CUX1: variants seen among roughly 807,000 people sequenced by gnomAD.
CUX1 encodes the protein protein CASP.
Under a neutral mutation model 158.8 loss-of-function variants are expected in CUX1, and 31 were observed. The ratio of observed to expected loss-of-function variants is 0.20; its 90% confidence interval spans 0.15 to 0.26. CUX1 has a LOEUF of 0.26. CUX1 is among the 10% of genes least tolerant of loss of function. The pLI is 1.00. For missense variants in CUX1, 1,589 were observed against 2,014.6 expected (o/e 0.79, Z 4.04); for synonymous variants, 879 against 862.1 (o/e 1.02, Z -0.34).
At chr7:102,000,700 G>A (rs1394560452) in intron 2 of CUX1, among the ~76,000 whole-genome samples, 3 of 152,198 alleles carry the variant, frequency 2.0e-5, no homozygotes, top group African/African-American at 4.8e-5. Context: ...GGTTCATTTG[G>A]TTGGGTTTTA....
chr7:101,972,577 C>G (rs920844900), intron 2 of CUX1, among the ~76,000 whole-genome samples: 1 of 152,216 alleles, frequency 6.6e-6, no homozygotes, highest in African/African-American at 2.4e-5. Context: ...CACATCTGCC[C>G]TTTGCTCCTC....
At chr7:102,202,701 A>G (rs1276122474) in intron 18 of CUX1, among the ~76,000 whole-genome samples, 1 of 152,182 alleles carries the variant, frequency 6.6e-6, no homozygotes, top group African/African-American at 2.4e-5. Flanking sequence ...TGCAGAGAGC[A>G]TTATTGTTCC....
intron 2 of CUX1, among the ~76,000 whole-genome samples, chr7:101,938,980 G>A (rs894876552): frequency 1.3e-4 from 19 of 147,486 alleles, no homozygotes; most frequent in African/African-American, 4.0e-4. Flanking sequence ...GATGGAGGTT[G>A]CAGTGAGCCA....
At chr7:102,092,066 C>A (rs1401575933) in intron 4 of CUX1, among the ~76,000 whole-genome samples, 2 of 152,256 alleles carry the variant, frequency 1.3e-5, no homozygotes, top group African/African-American at 4.8e-5. Context: ...CTGGCCACTT[C>A]TTGACAGGAA....
intron 1 of CUX1, among the ~76,000 whole-genome samples, chr7:101,896,547 A>G (rs759609592): frequency 6.6e-6 from 1 of 152,170 alleles, no homozygotes; most frequent in Non-Finnish European, 1.5e-5. Flanking sequence ...GTCAGCTCCA[A>G]CTAGACTCTG....
chr7:102,200,895 C>T (rs1795345006), intron 17 of CUX1, among the ~76,000 whole-genome samples: 2 of 151,672 alleles, frequency 1.3e-5, no homozygotes, highest in Admixed American at 6.6e-5. Context: ...TGGTGGCATG[C>T]ACCTGTGGTC....
chr7:102,153,831 A>G (rs1285213186), intron 8 of CUX1: 1 of 152,312 alleles, frequency 6.6e-6, no homozygotes, highest in East Asian at 1.9e-4. Context: ...CCAGACCCCA[A>G]CAGTGGGTGT....
chr7:101,846,565 C>T lies in CUX1; in HGVS notation c.30+28896C>T, dbSNP rs540944397. 7.2e-5 allele frequency among the ~76,000 whole-genome samples: 11 copies of T among 152,210 alleles called. No homozygotes were observed. In the East Asian group the frequency reaches 1.4e-3, roughly 19 times the overall value. ...CTGGTCTTGAACTCTTTGGCCTCAG[C>T]GATTCTCCCACCTCAGCTTCCCAAA... On this transcript the variant is annotated intron_variant, in intron 1 of 23. Transcript: ENST00000292535.
intron 8 of CUX1, among the ~76,000 whole-genome samples, chr7:102,126,405 G>A (rs148368135): frequency 6.1e-4 from 93 of 152,220 alleles, no homozygotes; most frequent in African/African-American, 2.1e-3. Context: ...AATTCTCAAA[G>A]ATTTTTTTTA....
chr7:101,816,663 C>A (rs963848599), upstream of CUX1, among the ~76,000 whole-genome samples: 2 of 144,394 alleles, frequency 1.4e-5, no homozygotes, highest in African/African-American at 5.0e-5. Flanking sequence ...GCCTGCCTCT[C>A]CAGGAGGAGC....
chr7:102,039,953 C>A (rs1442545087), intron 3 of CUX1, among the ~76,000 whole-genome samples: 1 of 152,020 alleles, frequency 6.6e-6, no homozygotes, highest in East Asian at 1.9e-4. Context: ...CTGAATGTCT[C>A]CCTTACATGC....
At position 102,255,205 on chromosome 7, in the gene CUX1, C is replaced by T. The variant is rs1480868926; in HGVS notation, c.*6163C>T. The T allele has an allele frequency of 3.0e-6, 3 of 985,334 alleles. No individual in the cohort carries two copies. The highest frequency in any genetic ancestry group is 6.2e-5 in the Admixed American group (1 of 16,246). The allele number at this position is 985,334 out of a possible 1,614,324, so 61.0% of individuals were successfully genotyped here. A position where few individuals can be genotyped will look rare whatever the true frequency, so the allele number is the denominator to read the frequency against. ...ACTTCCAAAAACTGCCTCCTCCTGC[C>T]CAGGCCTCTCCCACCACCACCTTCC... On this transcript the variant is annotated 3_prime_UTR_variant, in exon 24 of 24. Transcript: ENST00000292535.
intron 12 of CUX1, among the ~76,000 whole-genome samples, chr7:102,191,220 T>C (rs1160598594): frequency 6.6e-6 from 1 of 152,052 alleles, no homozygotes; most frequent in African/African-American, 2.4e-5. Flanking sequence ...CTCTGTAACT[T>C]ACTTACTTGC....
At chr7:101,935,548 G>A (rs979833043) in intron 2 of CUX1, among the ~76,000 whole-genome samples, 2 of 152,284 alleles carry the variant, frequency 1.3e-5, no homozygotes, top group East Asian at 1.9e-4. Flanking sequence ...GCACTTCTCC[G>A]GGCACTCCTG....
At position 102,201,708 on chromosome 7, in the gene CUX1, A is replaced by G. The variant is rs781969883; in HGVS notation, c.2411A>G (p.Gln804Arg). 27 of 1,612,514 alleles carry G rather than the reference A, an allele frequency of 1.7e-5. No homozygotes were observed. Among genetic ancestry groups the G allele is most frequent in the Non-Finnish European group, 2.3e-5 (27 of 1,179,884 alleles). Residue 804 changes from glutamine to arginine, a missense_variant, in exon 18 of 24, where the codon CAA becomes CGA. Gln to Arg is a conservative substitution (Grantham distance 43). Around this residue, in one of 8 missense-constraint regions of CUX1, gnomAD observed 337 missense variants for 409.3 expected, o/e 0.82. Coordinates refer to ENST00000292535, the MANE Select transcript of CUX1 (RefSeq NM_181552.4). This position sits in a 1 kb window ranked among gnomAD's most constrained non-coding sequence, Gnocchi z 5.0. ...CCCCAGGGAGCAGCCGATTGTGCACAAGGGGTCCTGAGACAGGTGAAAAAT... is the reference window on the plus strand; with the variant it reads ...CCCCAGGGAGCAGCCGATTGTGCACGAGGGGTCCTGAGACAGGTGAAAAAT... ...LDPQGAADCA[Q>R]GVLRQVKNEV... is the part of the protein sequence containing the mutation.
rs530073563 is a variant in CUX1, at chr7:101,868,586, G to T, written c.31-47529G>T. 2.0e-5 allele frequency among the ~76,000 whole-genome samples: 3 copies of T among 152,354 alleles called. No homozygotes were observed. The East Asian group carries it at 5.8e-4, about 29-fold the overall frequency. ...CTGGACAGCCAGCCCTGTGCCCTGT[G>T]TCCACTGCAAACCTGATCCTGTTTT... is the stretch of plus-strand genomic sequence containing the variant. On this transcript the variant is annotated intron_variant, in intron 1 of 23. Coordinates refer to ENST00000292535, the MANE Select transcript of CUX1 (RefSeq NM_181552.4).
intron 12 of CUX1, among the ~76,000 whole-genome samples, chr7:102,192,539 C>T (rs192512453): frequency 1.3e-5 from 2 of 152,292 alleles, no homozygotes; most frequent in African/African-American, 4.8e-5. Flanking sequence ...TAAGAAACCC[C>T]TTTCAGCTGG....
intron 8 of CUX1, among the ~76,000 whole-genome samples, chr7:102,156,165 C>T (rs572035020): frequency 1.3e-5 from 2 of 152,262 alleles, no homozygotes; most frequent in East Asian, 3.9e-4. Flanking sequence ...AATTCCCCAG[C>T]CCAGGGGCCC....
chr7:101,949,806 A>C (rs968242107), intron 2 of CUX1, among the ~76,000 whole-genome samples: 23 of 152,014 alleles, frequency 1.5e-4, no homozygotes, highest in Non-Finnish European at 2.9e-5. Context: ...TGCTGGGATT[A>C]CAGGCATGAG....
Sources: allele counts gnomAD v4.1 joint callset (sites outside exome capture counted in the v4.1 genomes callset), GRCh38; gene constraint gnomAD v4.1.1; regional missense constraint gnomAD v4.1.1; non-coding constraint Gnocchi (gnomAD v3.1); transcripts MANE v1.5; gene names NCBI Gene and HGNC (gene_info 2026-07-23, HGNC 2026-07-21).